Variants in POU3F3 observed in about 807,000 individuals in gnomAD.
POU3F3 encodes the protein POU domain, class 3, transcription factor 3.
In POU3F3, 1 loss-of-function variant was observed where a neutral mutation model predicts 8.6. That is an observed-to-expected ratio of 0.12 (90% CI 0.04 to 0.55). The LOEUF (loss-of-function observed/expected upper bound fraction) is 0.55, where lower values mean the gene tolerates loss of function less well. Among genes scored for constraint, POU3F3 ranks in the 20% least tolerant of loss-of-function variants. The pLI, the probability that POU3F3 is intolerant of heterozygous loss-of-function variation, is 0.91. For synonymous variants in POU3F3, 418 were observed against 327.4 expected, an observed-to-expected ratio of 1.28 and a Z score of -2.99; for missense variants, 577 against 690.7, an observed-to-expected ratio of 0.84 and a Z score of 1.84.
downstream of POU3F3, among the ~76,000 whole-genome samples, chr2:104,861,235 C>T (rs1676651478): frequency 6.6e-6 from 1 of 152,130 alleles, no homozygotes; most frequent in Non-Finnish European, 1.5e-5. Context: ...TAACTTGTAG[C>T]TTTCAGTACT....
chr2:104,859,787 A>G (rs893686973), downstream of POU3F3, among the ~76,000 whole-genome samples: 1 of 152,234 alleles, frequency 6.6e-6, no homozygotes, highest in Non-Finnish European at 1.5e-5. Flanking sequence ...GAGAGAAGAA[A>G]AAAATGAAGA....
At chr2:104,864,363 G>A in the POU3F3 span, among the ~76,000 whole-genome samples, 1 of 152,188 alleles carries the variant, frequency 6.6e-6, no homozygotes, top group South Asian at 2.1e-4. Context: ...CCCGCACTTT[G>A]GCAAACATGA....
chr2:104,872,860 A>G, the POU3F3 span, among the ~76,000 whole-genome samples: 2 of 152,160 alleles, frequency 1.3e-5, no homozygotes, highest in South Asian at 4.1e-4. The surrounding 1 kb of genome is among the most constrained non-coding windows in gnomAD (Gnocchi z 4.6). Flanking sequence ...CCTATCGTCA[A>G]GTCACTTATT....
At chr2:104,882,346 G>C in the POU3F3 span, among the ~76,000 whole-genome samples, 1 of 151,024 alleles carries the variant, frequency 6.6e-6, no homozygotes, top group Admixed American at 6.6e-5. Context: ...TCGCCTCCCA[G>C]GTTCAAGCAA....
At chr2:104,912,223 C>A in the POU3F3 span, among the ~76,000 whole-genome samples, 2 of 152,128 alleles carry the variant, frequency 1.3e-5, no homozygotes, top group Non-Finnish European at 2.9e-5. Flanking sequence ...CAGAACCTAG[C>A]GCATTGTGGG....
chr2:104,909,601 C>T, the POU3F3 span, among the ~76,000 whole-genome samples: 1 of 152,240 alleles, frequency 6.6e-6, no homozygotes, highest in Non-Finnish European at 1.5e-5. Flanking sequence ...ACAGCTGCCT[C>T]TGCCAGGGCA....
the POU3F3 span, among the ~76,000 whole-genome samples, chr2:104,896,136 G>A: frequency 6.6e-6 from 1 of 152,226 alleles, no homozygotes; most frequent in Non-Finnish European, 1.5e-5. Context: ...ACAGGATGTG[G>A]TGCTGGAAGC....
At chr2:104,886,879 G>C in the POU3F3 span, among the ~76,000 whole-genome samples, 1 of 151,958 alleles carries the variant, frequency 6.6e-6, no homozygotes, top group Non-Finnish European at 1.5e-5. Context: ...TTGCACTCCA[G>C]ACTGGGTGAC....
At chr2:104,883,015 G>A in the POU3F3 span, among the ~76,000 whole-genome samples, 98,982 of 152,116 alleles carry the variant, frequency 0.65, 32,771 homozygotes, top group East Asian at 0.87. Flanking sequence ...CTGCACCTAG[G>A]TAGGTCCTAG....
the POU3F3 span, among the ~76,000 whole-genome samples, chr2:104,873,192 GGTAA>G: frequency 1.3e-5 from 2 of 152,290 alleles, no homozygotes; most frequent in East Asian, 1.9e-4. Context: ...GCGCTGGGCC[GGTAA>G]GTAAGGGCAG....
the POU3F3 span, among the ~76,000 whole-genome samples, chr2:104,901,462 C>T: frequency 1.4e-4 from 22 of 152,160 alleles, no homozygotes; most frequent in Non-Finnish European, 1.3e-4. Flanking sequence ...CATCTCTAGG[C>T]GCACTGCCAA....
Position 104,855,816 on chromosome 2 carries a change from C to A in POU3F3, c.306C>A (p.Pro102=). Residue 102 remains proline, a synonymous_variant, in exon 1 of 1, where the codon CCC becomes CCA. Transcript: ENST00000361360. ...CGCACCAGTGGGTCACAGCCCTGCC[C>A]CACGCCGCCGCCGCCGCCGCCGCTG... The part of the protein sequence containing the change: ...SHAHQWVTAL[P]HAAAAAAAAA... 2 of 1,186,214 alleles carry A rather than the reference C, an allele frequency of 1.7e-6. No homozygotes were observed. The highest frequency in any genetic ancestry group is 2.1e-6 in the Non-Finnish European group (2 of 952,208). 73.5% of individuals were successfully genotyped at this position (1,186,214 alleles called of 1,614,324 possible). A position where few individuals can be genotyped will look rare whatever the true frequency, so the allele number is the denominator to read the frequency against.
the POU3F3 span, among the ~76,000 whole-genome samples, chr2:104,863,806 C>T: frequency 3.3e-5 from 5 of 152,190 alleles, no homozygotes; most frequent in African/African-American, 1.2e-4. Flanking sequence ...CGCTCGGGTC[C>T]CCATGTGCGG....
At chr2:104,867,536 A>AG in the POU3F3 span, 2 of 152,362 alleles carry the variant, frequency 1.3e-5, no homozygotes, top group Non-Finnish European at 2.9e-5. The surrounding 1 kb of genome is among the most constrained non-coding windows in gnomAD (Gnocchi z 5.0). Flanking sequence ...TGGGGCTGGA[A>AG]GTCCAGCGTC....
chr2:104,867,073 G>A, the POU3F3 span: 1 of 152,248 alleles, frequency 6.6e-6, no homozygotes, highest in Non-Finnish European at 1.5e-5. This position sits in a 1 kb window ranked among gnomAD's most constrained non-coding sequence, Gnocchi z 5.0. Flanking sequence ...GCCCTGCGGT[G>A]GCAGGAGAGC....
the POU3F3 span, among the ~76,000 whole-genome samples, chr2:104,882,794 G>A: frequency 6.6e-6 from 1 of 152,156 alleles, no homozygotes; most frequent in Non-Finnish European, 1.5e-5. Flanking sequence ...CGAGAGTTAT[G>A]TACACCTTCC....
At chr2:104,912,109 C>T in the POU3F3 span, among the ~76,000 whole-genome samples, 6 of 152,268 alleles carry the variant, frequency 3.9e-5, no homozygotes, top group Non-Finnish European at 8.8e-5. Flanking sequence ...AGGGTGCCGT[C>T]ATGGGAGCCA....
the POU3F3 span, among the ~76,000 whole-genome samples, chr2:104,875,738 A>T: frequency 6.6e-6 from 1 of 152,034 alleles, no homozygotes; most frequent in African/African-American, 2.4e-5. Flanking sequence ...TGTTTTTGAG[A>T]TGGAGTCTCG....
the POU3F3 span, among the ~76,000 whole-genome samples, chr2:104,896,711 T>A: frequency 1.3e-5 from 2 of 152,162 alleles, no homozygotes; most frequent in African/African-American, 2.4e-5. Context: ...CCCTTTCTCC[T>A]CCTCATTCTC....
Sources: gnomAD v4.1 joint callset for allele counts (sites outside exome capture counted in the v4.1 genomes callset) on GRCh38, gnomAD v4.1.1 for gene constraint, Gnocchi (gnomAD v3.1) non-coding constraint, MANE v1.5 for transcripts, NCBI Gene and HGNC (gene_info 2026-07-23, HGNC 2026-07-21) for gene names.